RBFOX1: variants seen among roughly 807,000 people sequenced by gnomAD.
RBFOX1 encodes RNA binding protein fox-1 homolog 1.
A neutral mutation model predicts 57.7 loss-of-function variants in RBFOX1; 8 were observed. The ratio of observed to expected loss-of-function variants is 0.14; its 90% confidence interval spans 0.08 to 0.25. The LOEUF (loss-of-function observed/expected upper bound fraction) is 0.25, where lower values mean the gene tolerates loss of function less well. RBFOX1 is among the 10% of genes least tolerant of loss of function. The pLI, the probability that RBFOX1 is intolerant of heterozygous loss-of-function variation, is 1.00. For synonymous variants in RBFOX1, 326 were observed against 222.4 expected, an observed-to-expected ratio of 1.47 and a Z score of -4.15; for missense variants, 611 against 548.5, an observed-to-expected ratio of 1.11 and a Z score of -1.14.
chr16:7,275,154 A>G (rs2095416258), intron 4 of RBFOX1, among the ~76,000 whole-genome samples: 1 of 152,158 alleles, frequency 6.6e-6, no homozygotes, highest in South Asian at 2.1e-4. Context: ...GGAGGGAAAG[A>G]GAGAAAGAAG....
chr16:6,500,348 G>T (rs565514150), intron 2 of RBFOX1, among the ~76,000 whole-genome samples: 8 of 152,064 alleles, frequency 5.3e-5, no homozygotes, highest in Non-Finnish European at 1.0e-4. Flanking sequence ...ATGGATGCAC[G>T]TGTGCACATA....
chr16:7,650,474 A>C (rs2064804943), intron 11 of RBFOX1, among the ~76,000 whole-genome samples: 1 of 152,132 alleles, frequency 6.6e-6, no homozygotes, highest in Non-Finnish European at 1.5e-5. Context: ...GAAGCCTTGT[A>C]AATATCCTGC....
intron 3 of RBFOX1, among the ~76,000 whole-genome samples, chr16:7,035,133 C>G (rs1333719379): frequency 3.3e-5 from 5 of 151,884 alleles, no homozygotes; most frequent in Admixed American, 1.3e-4. Context: ...CAGGTGTGAG[C>G]CGCTGCACCG....
chr16:7,047,211 C>T (rs2048288223), intron 3 of RBFOX1, among the ~76,000 whole-genome samples: 1 of 152,050 alleles, frequency 6.6e-6, no homozygotes, highest in African/African-American at 2.4e-5. Flanking sequence ...ATCTGGAAAA[C>T]TTCCTATAGC....
At chr16:6,565,199 G>T (rs1026922918) in intron 2 of RBFOX1, among the ~76,000 whole-genome samples, 2 of 149,006 alleles carry the variant, frequency 1.3e-5, no homozygotes, top group Non-Finnish European at 3.0e-5. Context: ...ACTCATTGTA[G>T]AAAAGACAAA....
intron 4 of RBFOX1, among the ~76,000 whole-genome samples, chr16:7,084,958 G>A (rs781755203): frequency 4.0e-5 from 6 of 151,886 alleles, no homozygotes; most frequent in Non-Finnish European, 8.8e-5. Flanking sequence ...ATCTATCTAT[G>A]TATCTGTCTG....
intron 3 of RBFOX1, among the ~76,000 whole-genome samples, chr16:6,710,269 T>C (rs914143509): frequency 3.3e-5 from 5 of 152,238 alleles, no homozygotes; most frequent in Admixed American, 2.6e-4. Context: ...TAGCATTGTC[T>C]AGAAGAACAT....
At chr16:7,437,148 A>G (rs941630789) in intron 4 of RBFOX1, among the ~76,000 whole-genome samples, 11 of 151,980 alleles carry the variant, frequency 7.2e-5, no homozygotes, top group Non-Finnish European at 1.5e-4. Context: ...TTGCCATAGG[A>G]TCGTTTAATC....
In RBFOX1 at chr16:6,544,097, T is replaced by C. The variant is rs2089799696; in HGVS notation, c.-63-110506T>C. 1.3e-5 allele frequency among the ~76,000 whole-genome samples: 2 copies of C among 152,218 alleles called. 1 individual carries two copies. The highest frequency in any genetic ancestry group is 1.3e-4 in the Admixed American group (2 of 15,282). The stretch of plus-strand genomic sequence containing the variant: ...CATCTGGCCCATGAGCTGTTTGAGA[T>C]GGGAGAGTATCTTATCTGTCTTTGC... On this transcript the variant is annotated intron_variant, in intron 2 of 15. Transcript: ENST00000550418.
chr16:7,658,372 A>G (rs2066847089), intron 12 of RBFOX1, among the ~76,000 whole-genome samples: 1 of 152,170 alleles, frequency 6.6e-6, no homozygotes, highest in Non-Finnish European at 1.5e-5. Flanking sequence ...TGAAAATACA[A>G]TATTGAGTAG....
intron 1 of RBFOX1, among the ~76,000 whole-genome samples, chr16:5,459,006 T>G (rs2151589548): frequency 6.6e-6 from 1 of 152,312 alleles, no homozygotes; most frequent in Admixed American, 6.5e-5. Flanking sequence ...TCTTGGCCCA[T>G]GTGATGTTCC....
intron 2 of RBFOX1, among the ~76,000 whole-genome samples, chr16:5,554,056 G>C (rs1267753281): frequency 1.3e-5 from 2 of 150,026 alleles, no homozygotes; most frequent in African/African-American, 4.9e-5. Context: ...TGCAACCTCT[G>C]CCTCCTGGGT....
At chr16:6,558,979 G>A (rs1376508358) in intron 2 of RBFOX1, among the ~76,000 whole-genome samples, 1 of 152,016 alleles carries the variant, frequency 6.6e-6, no homozygotes, top group Non-Finnish European at 1.5e-5. Flanking sequence ...ACTCAAAAAT[G>A]CCGCTTCCTC....
chr16:7,254,980 A>G (rs1352741433), intron 4 of RBFOX1, among the ~76,000 whole-genome samples: 1 of 152,122 alleles, frequency 6.6e-6, no homozygotes, highest in Non-Finnish European at 1.5e-5. Context: ...TGTTTTCCAC[A>G]GTTTTCTTGA....
At chr16:7,104,601 C>T (rs997638934) in intron 4 of RBFOX1, among the ~76,000 whole-genome samples, 12 of 152,134 alleles carry the variant, frequency 7.9e-5, no homozygotes, top group Admixed American at 6.6e-5. Flanking sequence ...AAGTCAGGAC[C>T]TCTTGCTGTG....
intron 1 of RBFOX1, among the ~76,000 whole-genome samples, chr16:5,347,072 A>G (rs760704404): frequency 3.3e-5 from 5 of 151,990 alleles, no homozygotes; most frequent in Non-Finnish European, 7.4e-5. Flanking sequence ...ACGCCTTTTC[A>G]GCAAGACTTT....
chr16:6,099,121 G>A (rs753024984), intron 1 of RBFOX1, among the ~76,000 whole-genome samples: 1 of 152,192 alleles, frequency 6.6e-6, no homozygotes, highest in African/African-American at 2.4e-5. Context: ...TTTGAAAATA[G>A]GTCGAACCCG....
chr16:6,362,682 C>G (rs373716421), intron 2 of RBFOX1, among the ~76,000 whole-genome samples: 11 of 152,328 alleles, frequency 7.2e-5, no homozygotes, highest in Non-Finnish European at 1.3e-4. Flanking sequence ...GTGACTGGTT[C>G]TGGTCTAGCT....
At chr16:6,325,456 A>G (rs544595993) in intron 2 of RBFOX1, among the ~76,000 whole-genome samples, 1 of 152,356 alleles carries the variant, frequency 6.6e-6, no homozygotes, top group South Asian at 2.1e-4. Context: ...CTTTGTATTT[A>G]TCATTATCGT....
Sources: gnomAD v4.1 joint callset for allele counts (sites outside exome capture counted in the v4.1 genomes callset) on GRCh38, gnomAD v4.1.1 for gene constraint, MANE v1.5 for transcripts, NCBI Gene and HGNC (gene_info 2026-07-23, HGNC 2026-07-21) for gene names.